The following ANK3 variants were observed in gnomAD, a reference collection of about 807,000 sequenced individuals.
ANK3 encodes ankyrin 3.
ANK3 carries 57 observed loss-of-function variants against 370.9 expected under a neutral mutation model. That is an observed-to-expected ratio of 0.15 (90% CI 0.12 to 0.19). The LOEUF (loss-of-function observed/expected upper bound fraction) is 0.19. ANK3 is among the 10% of genes least tolerant of loss of function. The pLI is 1.00. For missense variants in ANK3, 4,439 were observed against 5,302.1 expected (o/e 0.84, Z 5.06); for synonymous variants, 1,929 against 1,946.3 (o/e 0.99, Z 0.23).
At chr10:60,546,606 C>T (rs920252028) in intron 2 of ANK3, among the ~76,000 whole-genome samples, 32 of 152,114 alleles carry the variant, frequency 2.1e-4, no homozygotes, top group African/African-American at 7.5e-4. Flanking sequence ...CCATTACATT[C>T]AACTGCTCTA....
chr10:60,551,477 A>G (rs983948192), intron 2 of ANK3, among the ~76,000 whole-genome samples: 1 of 152,208 alleles, frequency 6.6e-6, no homozygotes, highest in Non-Finnish European at 1.5e-5. Flanking sequence ...ATTTAAAAGA[A>G]GATATGTATG....
chr10:60,447,663 A>G (rs1225461231), intron 2 of ANK3, among the ~76,000 whole-genome samples: 2 of 152,184 alleles, frequency 1.3e-5, no homozygotes, highest in Non-Finnish European at 2.9e-5. Context: ...CAAAAATGAC[A>G]TTTATTCCTG....
In ANK3 at chr10:60,071,605, T is replaced by C; in HGVS notation, c.9276A>G (p.Leu3092=). The C allele has an allele frequency of 3.7e-6, 6 of 1,613,860 alleles. No homozygotes were observed. The highest frequency in any genetic ancestry group is 3.4e-6 in the Non-Finnish European group (4 of 1,179,950). The part of the protein sequence containing the change: ...QTEGGKEIKT[L]PVYVSFVQVG... The stretch of plus-strand genomic sequence containing the variant: ...CTTGTACAAAACTGACATAAACGGG[T>C]AAAGTTTTTATCTCTTTCCCTCCCT... Residue 3092 remains leucine, a synonymous_variant, in exon 37 of 44, where the codon TTA becomes TTG. Coordinates refer to ENST00000280772, the MANE Select transcript of ANK3 (RefSeq NM_020987.5).
intron 2 of ANK3, among the ~76,000 whole-genome samples, chr10:60,439,323 T>A (rs1444044691): frequency 6.6e-6 from 1 of 152,026 alleles, no homozygotes; most frequent in African/African-American, 2.4e-5. Flanking sequence ...TTAAACAGAA[T>A]CCTGTGGTAG....
intron 2 of ANK3, among the ~76,000 whole-genome samples, chr10:60,426,145 G>A (rs1214317498): frequency 6.6e-6 from 1 of 151,940 alleles, no homozygotes; most frequent in African/African-American, 2.4e-5. Context: ...TGTATTTTCA[G>A]CTTTCCAGCC....
At chr10:60,544,727 C>T (rs1403591437) in intron 2 of ANK3, among the ~76,000 whole-genome samples, 1 of 152,094 alleles carries the variant, frequency 6.6e-6, no homozygotes, top group African/African-American at 2.4e-5. Flanking sequence ...ATTTATAAGG[C>T]TGTCTTGATC....
intron 29 of ANK3, among the ~76,000 whole-genome samples, chr10:60,087,808 G>A (rs2087091976): frequency 6.6e-6 from 1 of 152,080 alleles, no homozygotes; most frequent in Non-Finnish European, 1.5e-5. Flanking sequence ...AAGTCTGCAG[G>A]CTTCACTATA....
chr10:60,385,979 CCAA>C (rs2062224948), intron 1 of ANK3, among the ~76,000 whole-genome samples: 1 of 152,100 alleles, frequency 6.6e-6, no homozygotes, highest in Non-Finnish European at 1.5e-5. Context: ...GTACCAGAAG[CCAA>C]CAACGACAGT....
chr10:60,310,547 G>T (rs1368660457), intron 1 of ANK3, among the ~76,000 whole-genome samples: 1 of 152,166 alleles, frequency 6.6e-6, no homozygotes, highest in Non-Finnish European at 1.5e-5. Flanking sequence ...ATAGTTTAAT[G>T]CAAGGAACTA....
intron 2 of ANK3, among the ~76,000 whole-genome samples, chr10:60,447,059 G>A (rs534851312): frequency 6.6e-6 from 1 of 152,304 alleles, no homozygotes; most frequent in East Asian, 1.9e-4. Flanking sequence ...TACCAGGGGA[G>A]TGAGAGACTG....
intron 42 of ANK3, among the ~76,000 whole-genome samples, chr10:60,055,449 TG>T (rs1401351081): frequency 6.6e-6 from 1 of 152,124 alleles, no homozygotes; most frequent in African/African-American, 2.4e-5. Flanking sequence ...TATAACGAAA[TG>T]GCATACATTT....
At chr10:60,220,186 C>T (rs887991177) in intron 8 of ANK3, among the ~76,000 whole-genome samples, 1 of 151,718 alleles carries the variant, frequency 6.6e-6, no homozygotes, top group African/African-American at 2.4e-5. Flanking sequence ...ATACAGACTG[C>T]AGTACAGTGA....
intron 1 of ANK3, among the ~76,000 whole-genome samples, chr10:60,647,323 G>A (rs2078722170): frequency 6.6e-6 from 1 of 152,144 alleles, no homozygotes; most frequent in Admixed American, 6.5e-5. Context: ...GAAATATGAA[G>A]TCATTTTGCC....
chr10:60,069,911 G>A lies in ANK3; in HGVS notation c.10970C>T (p.Thr3657Ile), dbSNP rs771875157. The A allele has an allele frequency of 4.3e-6, 7 of 1,613,818 alleles. No homozygotes were observed. In the Admixed American group the frequency reaches 8.3e-5, roughly 19 times the overall value. Residue 3657 changes from threonine to isoleucine, a missense_variant, in exon 37 of 44, where the codon ACA becomes ATA. Thr to Ile is a moderately conservative substitution (Grantham distance 89). Coordinates refer to ENST00000280772, the MANE Select transcript of ANK3 (RefSeq NM_020987.5). Reference sequence around the variant, plus strand: ...GGTGTCCCCTGACTGTGGCTGTGGTGTGGCAGTGACCATACTTTTATCCCC... The same window carrying A: ...GGTGTCCCCTGACTGTGGCTGTGGTATGGCAGTGACCATACTTTTATCCCC... Reference protein sequence around the residue: ...GEGDKSMVTATPQPQSGDTTV... With the variant: ...GEGDKSMVTAIPQPQSGDTTV...
At chr10:60,048,626 G>A (rs1200515347) in intron 42 of ANK3, among the ~76,000 whole-genome samples, 2 of 152,096 alleles carry the variant, frequency 1.3e-5, no homozygotes, top group African/African-American at 2.4e-5. Flanking sequence ...CTAATATAAT[G>A]TAAATGCTAT....
intron 23 of ANK3, among the ~76,000 whole-genome samples, chr10:60,159,689 T>TA (rs917410859): frequency 1.6e-4 from 24 of 151,528 alleles, no homozygotes; most frequent in Middle Eastern, 3.4e-3. Flanking sequence ...TCAAAAAATT[T>TA]AAAAAAAAAT....
chr10:60,137,294 AG>A, intron 24 of ANK3: 1 of 323,240 alleles, frequency 3.1e-6, no homozygotes, highest in Non-Finnish European at 6.0e-6. Context: ...TGAGAGCATG[AG>A]CCAGGAGAAG....
At chr10:60,279,170 G>A (rs778235940) in intron 2 of ANK3, 22 bp from the exon 3 acceptor site, 2 of 1,603,964 alleles carry the variant, frequency 1.2e-6, no homozygotes, top group Non-Finnish European at 1.7e-6. Flanking sequence ...TAAAGGAAAA[G>A]CTCTACTCAG....
intron 2 of ANK3, among the ~76,000 whole-genome samples, chr10:60,459,736 G>A (rs755423686): frequency 2.0e-5 from 3 of 152,044 alleles, no homozygotes; most frequent in Non-Finnish European, 4.4e-5. Context: ...TGAACCAAAG[G>A]CATCTCAGAT....
Sources: allele counts gnomAD v4.1 joint callset (sites outside exome capture counted in the v4.1 genomes callset), GRCh38; gene constraint gnomAD v4.1.1; transcripts MANE v1.5; gene names NCBI Gene and HGNC (gene_info 2026-07-23, HGNC 2026-07-21).